RALYL: variants seen among roughly 807,000 people sequenced by gnomAD.
The protein encoded by RALYL is RALY RNA binding protein like, also known as RNA-binding Raly-like protein.
A neutral mutation model predicts 35.1 loss-of-function variants in RALYL; 29 were observed. The observed-to-expected ratio is 0.83, with a 90% CI of 0.61 to 1.13. The LOEUF is 1.13. RALYL is among the 50% of genes most tolerant of loss of function. The pLI, the probability that RALYL is intolerant of heterozygous loss-of-function variation, is 0.00. For synonymous variants in RALYL, 120 were observed against 127.6 expected (o/e 0.94, Z 0.40); for missense variants, 359 against 360.4 (o/e 1.00, Z 0.03).
At chr8:84,501,872 G>T (rs2056703779) in intron 1 of RALYL, among the ~76,000 whole-genome samples, 3 of 150,318 alleles carry the variant, frequency 2.0e-5, no homozygotes, top group South Asian at 4.2e-4. Flanking sequence ...ATCATATTAT[G>T]TTATTCATAA....
At chr8:84,606,974 A>G (rs1339835532) in intron 2 of RALYL, among the ~76,000 whole-genome samples, 3 of 152,028 alleles carry the variant, frequency 2.0e-5, no homozygotes, top group Non-Finnish European at 4.4e-5. Context: ...GGAGAAAATA[A>G]TGCTGTCCTT....
chr8:84,693,260 G>A (rs954695751), intron 2 of RALYL, among the ~76,000 whole-genome samples: 1 of 151,892 alleles, frequency 6.6e-6, no homozygotes, highest in Non-Finnish European at 1.5e-5. Flanking sequence ...AAAGCAAAGA[G>A]GTTTAATTGA....
chr8:84,581,752 T>C (rs1218032180), intron 2 of RALYL, among the ~76,000 whole-genome samples: 1 of 152,118 alleles, frequency 6.6e-6, no homozygotes, highest in Non-Finnish European at 1.5e-5. Context: ...AATGAGATAA[T>C]CCAAATAAAG....
chr8:84,715,719 G>A (rs1038305057), intron 2 of RALYL, among the ~76,000 whole-genome samples: 1 of 152,114 alleles, frequency 6.6e-6, no homozygotes, highest in East Asian at 1.9e-4. Context: ...TCTTGATCTA[G>A]AACAGCTAAG....
chr8:84,396,184 C>T (rs1861712794), intron 1 of RALYL, among the ~76,000 whole-genome samples: 1 of 152,000 alleles, frequency 6.6e-6, no homozygotes, highest in African/African-American at 2.4e-5. Flanking sequence ...GGTCCTAGAT[C>T]AGGATGCTTT....
intron 1 of RALYL, among the ~76,000 whole-genome samples, chr8:84,523,743 C>T (rs1239079700): frequency 6.8e-6 from 1 of 147,654 alleles, no homozygotes; most frequent in Admixed American, 6.9e-5. Flanking sequence ...TCAATTCCCA[C>T]CTGTGAGTTA....
intron 2 of RALYL, among the ~76,000 whole-genome samples, chr8:84,591,175 T>C (rs917521328): frequency 1.6e-4 from 24 of 152,250 alleles, no homozygotes; most frequent in Admixed American, 8.5e-4. Context: ...CTGAGTTATC[T>C]TTCAAAAACT....
chr8:84,869,930 G>A (rs967853610), intron 6 of RALYL, among the ~76,000 whole-genome samples: 1 of 152,090 alleles, frequency 6.6e-6, no homozygotes, highest in African/African-American at 2.4e-5. Flanking sequence ...TTTGTCAACT[G>A]TATCAGAATG....
chr8:84,300,323 G>T (rs1260718285), intron 1 of RALYL, among the ~76,000 whole-genome samples: 2 of 149,992 alleles, frequency 1.3e-5, no homozygotes, highest in African/African-American at 2.4e-5. Context: ...GATTTCAGTT[G>T]TTTTTTTTTA....
chr8:84,276,711 G>A (rs2132022326), intron 1 of RALYL, among the ~76,000 whole-genome samples: 1 of 152,300 alleles, frequency 6.6e-6, no homozygotes, highest in Non-Finnish European at 1.5e-5. Flanking sequence ...GAGGAGATGA[G>A]TGCTAAATGA....
At chr8:84,361,384 G>A (rs2131266422) in intron 1 of RALYL, among the ~76,000 whole-genome samples, 1 of 152,188 alleles carries the variant, frequency 6.6e-6, no homozygotes, top group Admixed American at 6.5e-5. Flanking sequence ...AGGCAACCAG[G>A]GATTTGGGAA....
intron 2 of RALYL, among the ~76,000 whole-genome samples, chr8:84,597,309 C>T (rs1814798273): frequency 6.6e-6 from 1 of 152,122 alleles, no homozygotes; most frequent in Non-Finnish European, 1.5e-5. Flanking sequence ...TTTTATGGCA[C>T]CACCATCTAC....
intron 2 of RALYL, among the ~76,000 whole-genome samples, chr8:84,703,032 C>G (rs1589104046): frequency 6.6e-6 from 1 of 152,080 alleles, no homozygotes; most frequent in Admixed American, 6.6e-5. Context: ...TCTTCAGCTT[C>G]TCTCTCTGTC....
At chr8:84,557,920 A>G (rs1057276439) in intron 2 of RALYL, among the ~76,000 whole-genome samples, 1 of 152,188 alleles carries the variant, frequency 6.6e-6, no homozygotes, top group African/African-American at 2.4e-5. Flanking sequence ...GAAGTAAGAC[A>G]ATGTAGAAGT....
chr8:84,739,860 A>G (rs896570530), intron 2 of RALYL, among the ~76,000 whole-genome samples: 1 of 151,938 alleles, frequency 6.6e-6, no homozygotes, highest in Non-Finnish European at 1.5e-5. Context: ...GAACACCTTA[A>G]AAAGAGTGAA....
chr8:84,809,845 T>C (rs896273250), intron 4 of RALYL, among the ~76,000 whole-genome samples: 1 of 152,124 alleles, frequency 6.6e-6, no homozygotes, highest in Non-Finnish European at 1.5e-5. Flanking sequence ...TTTCGTTTCT[T>C]AATGAGGTTA....
At chr8:84,809,851 G>A (rs1383130997) in intron 4 of RALYL, among the ~76,000 whole-genome samples, 1 of 151,912 alleles carries the variant, frequency 6.6e-6, no homozygotes, top group East Asian at 1.9e-4. Context: ...TTCTTAATGA[G>A]GTTATTTGGA....
At chr8:84,400,146 AGTGT>A (rs2131952265) in intron 1 of RALYL, among the ~76,000 whole-genome samples, 2 of 152,224 alleles carry the variant, frequency 1.3e-5, no homozygotes, top group South Asian at 4.1e-4. Flanking sequence ...TGGGACCAGA[AGTGT>A]GTCATTTTTT....
At chr8:84,403,522 CTGT>C (rs1276019365) in intron 1 of RALYL, among the ~76,000 whole-genome samples, 1,657 of 52,046 alleles carry the variant, frequency 0.032, 60 homozygotes, top group Middle Eastern at 0.12. Flanking sequence ...GTCTATATCT[CTGT>C]TTTTTTTTTT....
Sources: allele counts gnomAD v4.1 joint callset (sites outside exome capture counted in the v4.1 genomes callset), GRCh38; gene constraint gnomAD v4.1.1; transcripts MANE v1.5; gene names NCBI Gene and HGNC (gene_info 2026-07-23, HGNC 2026-07-21).